Variants in PPP1R1C observed in about 807,000 individuals in gnomAD.
PPP1R1C encodes protein phosphatase 1 regulatory inhibitor subunit 1C, also known as protein phosphatase 1 regulatory subunit 1C.
Under a neutral mutation model 17.4 loss-of-function variants are expected in PPP1R1C, and 15 were observed. That is an observed-to-expected ratio of 0.86 (90% CI 0.58 to 1.33). PPP1R1C has a LOEUF of 1.33. Among genes scored for constraint, PPP1R1C ranks in the 40% most tolerant of loss-of-function variants. The pLI is 0.00. For synonymous variants in PPP1R1C, 35 were observed against 43.1 expected, an observed-to-expected ratio of 0.81 and a Z score of 0.73; for missense variants, 143 against 130.0, an observed-to-expected ratio of 1.10 and a Z score of -0.48.
intron 2 of PPP1R1C, among the ~76,000 whole-genome samples, chr2:182,033,984 T>A (rs1686924451): frequency 6.6e-6 from 1 of 152,204 alleles, no homozygotes; most frequent in African/African-American, 2.4e-5. Context: ...TTTGTCAAGA[T>A]TCAGGTTTAG....
intron 4 of PPP1R1C, among the ~76,000 whole-genome samples, chr2:182,065,918 GT>G (rs2125200422): frequency 6.6e-6 from 1 of 152,064 alleles, no homozygotes; most frequent in Admixed American, 6.6e-5. Flanking sequence ...CTGTTATTTA[GT>G]TATTTTGCCT....
chr2:181,976,762 C>CTCTTGT lies in PPP1R1C; in HGVS notation n.157+1503_157+1504insTTCTTG, dbSNP rs1685098144. Among the ~76,000 whole-genome samples, 1 of 152,156 alleles carries CTCTTGT rather than the reference C, an allele frequency of 6.6e-6. No homozygotes were observed. Among genetic ancestry groups the CTCTTGT allele is most frequent in the African/African-American group, 2.4e-5 (1 of 41,446 alleles). ...AATAAATCTAAAAAGCTCCACTCCA[C>CTCTTGT]TCTTGCTCTTGCTCTCTACTGTAAG... On this transcript the variant is annotated intron_variant and non_coding_transcript_variant, in intron 2 of 5. Transcript: ENST00000464264. The surrounding 1 kb of genome is among the most constrained non-coding windows in gnomAD (Gnocchi z 4.8).
chr2:182,123,709 T>C (rs1190172641), intron 5 of PPP1R1C, among the ~76,000 whole-genome samples: 1 of 152,192 alleles, frequency 6.6e-6, no homozygotes, highest in Non-Finnish European at 1.5e-5. Flanking sequence ...TGTTTGTTTT[T>C]TTCTTGTAAA....
upstream of PPP1R1C, among the ~76,000 whole-genome samples, chr2:181,984,766 A>G (rs1402448818): frequency 6.6e-6 from 1 of 152,246 alleles, no homozygotes; most frequent in Non-Finnish European, 1.5e-5. Flanking sequence ...CGATGTCTAA[A>G]TATATTAAGT....
intron 4 of PPP1R1C, among the ~76,000 whole-genome samples, chr2:182,077,969 G>C (rs1688363704): frequency 6.6e-6 from 1 of 152,168 alleles, no homozygotes; most frequent in Non-Finnish European, 1.5e-5. Context: ...TTGAGATCAG[G>C]AGTTTGAGAC....
intron 2 of PPP1R1C, among the ~76,000 whole-genome samples, chr2:182,033,808 C>T (rs114949916): frequency 1.2e-3 from 178 of 152,246 alleles, no homozygotes; most frequent in Non-Finnish European, 2.0e-3. Flanking sequence ...ATTAAAGGCC[C>T]GCCACAATGT....
chr2:182,025,455 G>A (rs868239362), intron 2 of PPP1R1C, among the ~76,000 whole-genome samples: 37 of 135,592 alleles, frequency 2.7e-4, no homozygotes, highest in African/African-American at 8.2e-4. Flanking sequence ...GAGAATATGC[G>A]GTGTTTGGTT....
chr2:182,047,162 T>C (rs1343778300), intron 2 of PPP1R1C, among the ~76,000 whole-genome samples: 1 of 152,192 alleles, frequency 6.6e-6, no homozygotes, highest in African/African-American at 2.4e-5. Context: ...CCCCTACTTC[T>C]ACTTGTAAGG....
intron 2 of PPP1R1C, among the ~76,000 whole-genome samples, chr2:181,998,483 A>G (rs1685676693): frequency 6.6e-6 from 1 of 152,242 alleles, no homozygotes; most frequent in African/African-American, 2.4e-5. Flanking sequence ...TCATCATAAT[A>G]TACACATCAT....
chr2:182,119,678 G>T (rs1689683853), downstream of PPP1R1C, among the ~76,000 whole-genome samples: 1 of 152,120 alleles, frequency 6.6e-6, no homozygotes. Context: ...ATTTTTTCAT[G>T]TGTCTGTTGG....
chr2:182,105,257 G>GCATTCTGAGACA (rs1342922663), intron 4 of PPP1R1C, among the ~76,000 whole-genome samples: 1 of 152,134 alleles, frequency 6.6e-6, no homozygotes, highest in Admixed American at 6.5e-5. Flanking sequence ...GGAGTGAATA[G>GCATTCTGAGACA]CATTCTGAGA....
chr2:181,955,991 A>G (rs1684663931), intron 1 of PPP1R1C, among the ~76,000 whole-genome samples: 1 of 152,114 alleles, frequency 6.6e-6, no homozygotes, highest in African/African-American at 2.4e-5. Context: ...TCAACCCATC[A>G]TCTATGTTAG....
chr2:181,989,647 C>T (rs1559047381), intron 2 of PPP1R1C, among the ~76,000 whole-genome samples: 1 of 152,138 alleles, frequency 6.6e-6, no homozygotes, highest in Non-Finnish European at 1.5e-5. Context: ...CAGTTTTTCT[C>T]TAGAAACCTT....
Position 181,957,282 on chromosome 2 carries a change from G to A in PPP1R1C, n.111+2648G>A, listed in dbSNP as rs187714587. Among the ~76,000 whole-genome samples, 11 of 152,218 alleles carry A rather than the reference G, an allele frequency of 7.2e-5. No individual in the cohort carries two copies. The highest frequency in any genetic ancestry group is 2.6e-4 in the Admixed American group (4 of 15,284). ...GGCTGAGGCAGAATTGCTTGAACCC[G>A]GGAGGTGGAGGTTGTGGTAAGCCGA... On this transcript the variant is annotated intron_variant and non_coding_transcript_variant, in intron 1 of 5. Transcript: ENST00000464264. This position sits in a 1 kb window ranked among gnomAD's most constrained non-coding sequence, Gnocchi z 4.2.
At position 181,961,935 on chromosome 2, in the gene PPP1R1C, T is replaced by G; in HGVS notation, n.111+7301T>G. ...TCAGTGACCTTGTGGAGCCCATGGA[T>G]GTCACTCCCCACAGACGGGTGCATG... On this transcript the variant is annotated intron_variant and non_coding_transcript_variant, in intron 1 of 5. Transcript: ENST00000464264. This position sits in a 1 kb window ranked among gnomAD's most constrained non-coding sequence, Gnocchi z 5.8. 1.3e-6 allele frequency: 1 copy of G among 743,132 alleles called. No homozygotes were observed. Among genetic ancestry groups the G allele is most frequent in the Non-Finnish European group, 2.5e-6 (1 of 404,272 alleles). The allele number at this position is 743,132 out of a possible 1,614,324, so 46.0% of individuals were successfully genotyped here.
In PPP1R1C at chr2:182,036,982, G is replaced by A. The variant is rs142714691; in HGVS notation, c.143-24460G>A. On this transcript the variant is annotated intron_variant, in intron 2 of 4. Transcript: ENST00000682840. ...AAAAAAGGAACACATAACAACATGT[G>A]AATTTCAAAGAGAGAGTGGATTTGT... Among the ~76,000 whole-genome samples the A allele has an allele frequency of 3.7e-3, 566 of 152,268 alleles. 4 individuals carry two copies. The highest frequency in any genetic ancestry group is 6.0e-3 in the Non-Finnish European group (409 of 68,010).
chr2:182,063,235 A>G (rs1431757128), intron 3 of PPP1R1C, among the ~76,000 whole-genome samples: 2 of 152,056 alleles, frequency 1.3e-5, no homozygotes, highest in Non-Finnish European at 2.9e-5. Flanking sequence ...AATTCCAAGT[A>G]AATGGAGGTA....
chr2:181,960,281 T>C (rs976995257), intron 1 of PPP1R1C, among the ~76,000 whole-genome samples: 2 of 152,204 alleles, frequency 1.3e-5, no homozygotes, highest in African/African-American at 4.8e-5. Flanking sequence ...AACAACAATT[T>C]TAAAAATAAT....
At chr2:182,096,160 G>A (rs375179589) in intron 4 of PPP1R1C, among the ~76,000 whole-genome samples, 8 of 152,268 alleles carry the variant, frequency 5.3e-5, no homozygotes, top group African/African-American at 1.9e-4. Flanking sequence ...AAAGAAGTAG[G>A]TAGTTGTGGG....
Sources: allele counts gnomAD v4.1 joint callset (sites outside exome capture counted in the v4.1 genomes callset), GRCh38; gene constraint gnomAD v4.1.1; non-coding constraint Gnocchi (gnomAD v3.1); transcripts MANE v1.5; gene names NCBI Gene and HGNC (gene_info 2026-07-23, HGNC 2026-07-21).